Variants in NEXMIF observed in about 807,000 individuals in gnomAD.
The protein encoded by NEXMIF is XLMR protein related to neurite extension.
A neutral mutation model predicts 62.1 loss-of-function variants in NEXMIF; 8 were observed. The ratio of observed to expected loss-of-function variants is 0.13; its 90% CI spans 0.08 to 0.23. The LOEUF is 0.23. Among genes scored for constraint, NEXMIF ranks in the 10% least tolerant of loss-of-function variants. The probability of loss-of-function intolerance (pLI) is 1.00; values close to 1 mark genes in which losing one functional copy is unlikely to be tolerated. For missense variants in NEXMIF, 976 were observed against 1,113.3 expected, an observed-to-expected ratio of 0.88 and a Z score of 1.75; for synonymous variants, 404 against 416.6, an observed-to-expected ratio of 0.97 and a Z score of 0.37.
At chrX:74,921,077 C>T (rs2080825296) in intron 1 of NEXMIF, among the ~76,000 whole-genome samples, 1 of 111,426 alleles carries the variant, frequency 9.0e-6, no homozygotes, top group Non-Finnish European at 1.9e-5. Context: ...TAATTGTGTA[C>T]ATAGTATTAA....
Position 74,734,191 on chromosome X carries a change from GC to G in NEXMIF, c.*5213del, listed in dbSNP as rs1005575748. On this transcript the variant is annotated 3_prime_UTR_variant, in exon 4 of 4. Transcript: ENST00000055682. ...TACATTCATAAAAAGGGCCTCTAAC[GC>G]TTTTATTTTAAATTTTCTTAAATGC... The G allele has an allele frequency of 3.6e-4, 40 of 111,935 alleles. No homozygotes were observed. Among genetic ancestry groups the G allele is most frequent in the African/African-American group, 1.3e-3 (40 of 30,740 alleles). The allele number at this position is 111,935 out of a possible 1,213,427, so 9.2% of individuals were successfully genotyped here.
At chrX:74,824,364 C>T (rs1350095465) in intron 1 of NEXMIF, among the ~76,000 whole-genome samples, 3 of 111,731 alleles carry the variant, frequency 2.7e-5, no homozygotes, top group Non-Finnish European at 3.8e-5. Context: ...TGAAAACATG[C>T]GGTATTTGTC....
At chrX:74,841,542 T>A (rs1351578773) in intron 1 of NEXMIF, among the ~76,000 whole-genome samples, 2 of 111,927 alleles carry the variant, frequency 1.8e-5, no homozygotes, top group Non-Finnish European at 3.8e-5. Flanking sequence ...AGAGAAGCCA[T>A]CCTTGTCTTG....
intron 1 of NEXMIF, among the ~76,000 whole-genome samples, chrX:74,919,780 CCAACCCCA>C (rs1363149401): frequency 9.0e-6 from 1 of 110,851 alleles, no homozygotes; most frequent in Non-Finnish European, 1.9e-5. Context: ...CCTCGCTCCC[CCAACCCCA>C]CAACAGTCCC....
At chrX:74,765,871 CAA>C (rs755196904) in intron 1 of NEXMIF, among the ~76,000 whole-genome samples, 12 of 28,940 alleles carry the variant, frequency 4.1e-4, no homozygotes, top group East Asian at 2.0e-3. Flanking sequence ...ACTGAAAATA[CAA>C]AAAAAAAAAA....
intron 1 of NEXMIF, among the ~76,000 whole-genome samples, chrX:74,746,769 A>C (rs1236692635): frequency 8.9e-6 from 1 of 112,837 alleles, no homozygotes; most frequent in East Asian, 2.8e-4. Flanking sequence ...TGTATTAGGC[A>C]GTCTCTCAGT....
At chrX:74,879,604 A>G (rs1472232909) in intron 1 of NEXMIF, among the ~76,000 whole-genome samples, 1 of 112,339 alleles carries the variant, frequency 8.9e-6, no homozygotes, top group African/African-American at 3.2e-5. Context: ...TACAAAGCAT[A>G]CATAGTAAAG....
rs190389530 is a variant in NEXMIF at position 74,898,221 on chromosome X, A to G, written c.-48+26662T>C. Among the ~76,000 whole-genome samples, 115 of 112,328 alleles carry G rather than the reference A, an allele frequency of 1.0e-3. 5 individuals are homozygous for G. In the East Asian group the frequency reaches 0.028, roughly 27 times the overall value. ...AATTACAGTCAACATCAACAGTGTT[A>G]AAGTCGTGTTGATAGCATGTATCCT... is the stretch of plus-strand genomic sequence containing the variant. On this transcript the variant is annotated intron_variant, in intron 1 of 3. Transcript: ENST00000055682.
intron 1 of NEXMIF, among the ~76,000 whole-genome samples, chrX:74,791,960 G>A (rs2080285216): frequency 9.0e-6 from 1 of 111,141 alleles, no homozygotes; most frequent in Non-Finnish European, 1.9e-5. Context: ...AGGGTTGTTT[G>A]TGTCTCTATT....
At chrX:74,873,389 A>G (rs984074647) in intron 1 of NEXMIF, among the ~76,000 whole-genome samples, 2 of 111,958 alleles carry the variant, frequency 1.8e-5, no homozygotes, top group African/African-American at 6.5e-5. Context: ...CCAGTCTATC[A>G]TTGTTGGATG....
At chrX:74,772,096 C>T (rs1189213107) in intron 1 of NEXMIF, among the ~76,000 whole-genome samples, 1 of 112,028 alleles carries the variant, frequency 8.9e-6, no homozygotes, top group Non-Finnish European at 1.9e-5. Context: ...CTTCCTTCAT[C>T]TTTTCTGTTG....
intron 1 of NEXMIF, among the ~76,000 whole-genome samples, chrX:74,817,089 C>A (rs768465813): frequency 6.3e-4 from 71 of 111,855 alleles, no homozygotes; most frequent in Admixed American, 1.9e-3. Context: ...AATAAAAGGA[C>A]TTGAGAGATT....
At chrX:74,836,661 T>A (rs772836066) in intron 1 of NEXMIF, among the ~76,000 whole-genome samples, 30 of 111,915 alleles carry the variant, frequency 2.7e-4, no homozygotes, top group African/African-American at 9.8e-4. Flanking sequence ...GTATCCAAGA[T>A]GCAAGACGAA....
intron 1 of NEXMIF, among the ~76,000 whole-genome samples, chrX:74,885,236 A>T (rs1375188686): frequency 8.9e-6 from 1 of 111,793 alleles, no homozygotes; most frequent in South Asian, 3.8e-4. Flanking sequence ...AATTAAAAGA[A>T]CTAGAGAAGC....
At chrX:74,816,271 C>T (rs932960736) in intron 1 of NEXMIF, among the ~76,000 whole-genome samples, 3 of 111,744 alleles carry the variant, frequency 2.7e-5, no homozygotes, top group East Asian at 2.8e-4. Flanking sequence ...CAGATCCTCA[C>T]AAATTTATAC....
intron 2 of NEXMIF, 111 bp downstream of exon 2, chrX:74,745,461 C>T: frequency 1.9e-6 from 1 of 516,370 alleles, no homozygotes; most frequent in Non-Finnish European, 3.4e-6. Flanking sequence ...ACATTCATTT[C>T]AGAGGCATCC....
intron 1 of NEXMIF, among the ~76,000 whole-genome samples, chrX:74,782,377 A>T (rs1308159041): frequency 8.9e-6 from 1 of 111,763 alleles, no homozygotes; most frequent in Non-Finnish European, 1.9e-5. Context: ...TTAATAAAAT[A>T]TACTTCACAT....
intron 1 of NEXMIF, among the ~76,000 whole-genome samples, chrX:74,796,247 C>CACATATATATT (rs2080310741): frequency 5.6e-5 from 1 of 17,761 alleles, no homozygotes; most frequent in Non-Finnish European, 2.7e-4. Context: ...TATATATACA[C>CACATATATATT]ATATATATTA....
chrX:74,745,954 A>G (rs1326654803), intron 1 of NEXMIF, among the ~76,000 whole-genome samples: 1 of 111,683 alleles, frequency 9.0e-6, no homozygotes, highest in Non-Finnish European at 1.9e-5. Flanking sequence ...AAATCCAAGG[A>G]AGCAGACAAA....
Sources: allele counts gnomAD v4.1 joint callset (sites outside exome capture counted in the v4.1 genomes callset), GRCh38; gene constraint gnomAD v4.1.1; transcripts MANE v1.5; gene names NCBI Gene and HGNC (gene_info 2026-07-23, HGNC 2026-07-21).